The following CNTNAP2 variants were observed in gnomAD, a reference collection of about 807,000 sequenced individuals.
The protein encoded by CNTNAP2 is contactin associated protein 2, also known as contactin-associated protein-like 2.
CNTNAP2 carries 98 observed loss-of-function variants against 155.2 expected under a neutral mutation model. The ratio of observed to expected loss-of-function variants is 0.63; its 90% CI spans 0.54 to 0.75. The LOEUF is 0.75. Ranked by LOEUF, CNTNAP2 falls within the 30% of genes least tolerant of loss-of-function variation. The pLI, the probability that CNTNAP2 is intolerant of heterozygous loss-of-function variation, is 0.00. For missense variants in CNTNAP2, 1,727 were observed against 1,688.1 expected (o/e 1.02, Z -0.40); for synonymous variants, 651 against 631.2 (o/e 1.03, Z -0.47).
chr7:147,395,703 A>G lies in CNTNAP2; in HGVS notation c.1593A>G (p.Val531=). The G allele has an allele frequency of 1.6e-5, 25 of 1,612,620 alleles. No homozygotes were observed. Among genetic ancestry groups the G allele is most frequent in the Non-Finnish European group, 2.1e-5 (25 of 1,178,890 alleles). Residue 531 remains valine (V), a synonymous_variant, in exon 10 of 24, where the codon GTA becomes GTG. Coordinates refer to ENST00000361727, the MANE Select transcript of CNTNAP2 (RefSeq NM_014141.6). ...TCATTCAAGTGGACGATCAACTTGT[A>G]AATTTATACGAAGTGGCACAAAGGA... The part of the protein sequence containing the change: ...MQLIQVDDQL[V]NLYEVAQRKP...
intron 15 of CNTNAP2, among the ~76,000 whole-genome samples, chr7:148,114,347 T>C (rs1483412869): frequency 2.0e-5 from 3 of 152,212 alleles, no homozygotes; most frequent in Non-Finnish European, 4.4e-5. Flanking sequence ...ACATTCTGTC[T>C]CATGAGGACT....
chr7:146,735,940 C>T (rs1301036427), intron 1 of CNTNAP2, among the ~76,000 whole-genome samples: 2 of 152,016 alleles, frequency 1.3e-5, no homozygotes, highest in African/African-American at 2.4e-5. Flanking sequence ...GATAAATGTT[C>T]CAAGTGACAG....
At chr7:148,219,486 T>C (rs551036493) in intron 19 of CNTNAP2, among the ~76,000 whole-genome samples, 2 of 152,182 alleles carry the variant, frequency 1.3e-5, no homozygotes, top group African/African-American at 4.8e-5. Context: ...TTGAGACCAG[T>C]AGTTCAAGAT....
chr7:146,315,279 T>C (rs1229615374), intron 1 of CNTNAP2, among the ~76,000 whole-genome samples: 1 of 152,106 alleles, frequency 6.6e-6, no homozygotes, highest in East Asian at 1.9e-4. Flanking sequence ...TCTCCCAATG[T>C]GCTGTCTCTG....
At chr7:147,712,789 A>G (rs941607204) in intron 13 of CNTNAP2, among the ~76,000 whole-genome samples, 2 of 152,198 alleles carry the variant, frequency 1.3e-5, no homozygotes, top group Admixed American at 6.5e-5. Flanking sequence ...GATATACCTA[A>G]TGTAAATGAC....
At chr7:148,111,130 T>C (rs1804340585) in intron 15 of CNTNAP2, among the ~76,000 whole-genome samples, 1 of 152,116 alleles carries the variant, frequency 6.6e-6, no homozygotes, top group South Asian at 2.1e-4. Context: ...GTCAGCTGTC[T>C]AGTACTTGAC....
chr7:147,446,131 T>C (rs991309514), intron 10 of CNTNAP2, among the ~76,000 whole-genome samples: 5 of 151,534 alleles, frequency 3.3e-5, no homozygotes, highest in African/African-American at 1.2e-4. Flanking sequence ...TTCTTTTTTT[T>C]TTTTTTTTTT....
intron 1 of CNTNAP2, among the ~76,000 whole-genome samples, chr7:146,217,114 C>T (rs1221613231): frequency 6.6e-6 from 1 of 152,160 alleles, no homozygotes; most frequent in Admixed American, 6.5e-5. Flanking sequence ...TATGGGAACA[C>T]TTGACCCATT....
chr7:148,300,385 G>A (rs186740021), intron 21 of CNTNAP2, among the ~76,000 whole-genome samples: 210 of 152,282 alleles, frequency 1.4e-3, no homozygotes, highest in African/African-American at 4.6e-3. Context: ...CTCGTTATAT[G>A]TTATGATTAA....
intron 13 of CNTNAP2, among the ~76,000 whole-genome samples, chr7:147,782,650 A>G (rs1186486869): frequency 6.6e-6 from 1 of 152,184 alleles, no homozygotes; most frequent in Non-Finnish European, 1.5e-5. Context: ...TACCTCTGAA[A>G]GGTCCCAACA....
intron 18 of CNTNAP2, among the ~76,000 whole-genome samples, chr7:148,185,537 C>T (rs1470019829): frequency 6.6e-6 from 1 of 152,198 alleles, no homozygotes; most frequent in Non-Finnish European, 1.5e-5. Context: ...TGCCCCGTTA[C>T]CAAGGATGAT....
intron 13 of CNTNAP2, among the ~76,000 whole-genome samples, chr7:147,683,611 A>G (rs2116982718): frequency 6.6e-6 from 1 of 151,980 alleles, no homozygotes; most frequent in South Asian, 2.1e-4. Flanking sequence ...TTTTCAGAGC[A>G]GTTTGAACAA....
intron 1 of CNTNAP2, among the ~76,000 whole-genome samples, chr7:146,498,992 G>T (rs1280999660): frequency 6.6e-6 from 1 of 152,116 alleles, no homozygotes; most frequent in Non-Finnish European, 1.5e-5. Context: ...AATCTTACCT[G>T]TTTCAAAGCA....
At chr7:146,197,575 C>A (rs1344640299) in intron 1 of CNTNAP2, among the ~76,000 whole-genome samples, 3 of 152,094 alleles carry the variant, frequency 2.0e-5, no homozygotes, top group Admixed American at 1.3e-4. Context: ...TACAGGATCA[C>A]TAATTTGTTT....
intron 1 of CNTNAP2, among the ~76,000 whole-genome samples, chr7:146,736,422 G>C (rs1801621599): frequency 6.6e-6 from 1 of 152,144 alleles, no homozygotes; most frequent in Non-Finnish European, 1.5e-5. Context: ...GAGGATTTGA[G>C]GATTGATTAT....
intron 1 of CNTNAP2, among the ~76,000 whole-genome samples, chr7:146,744,327 A>G (rs73170308): frequency 0.024 from 3,657 of 151,690 alleles, 54 homozygotes; most frequent in South Asian, 0.036. Flanking sequence ...CTTACATTAG[A>G]TGTATAGAAG....
At chr7:147,048,130 A>C (rs1220536613) in intron 4 of CNTNAP2, among the ~76,000 whole-genome samples, 1 of 133,504 alleles carries the variant, frequency 7.5e-6, no homozygotes, top group Non-Finnish European at 1.5e-5. Context: ...GCTGGAGTGC[A>C]GTGGCGTGAT....
At chr7:147,168,923 A>C (rs1047670310) in intron 8 of CNTNAP2, among the ~76,000 whole-genome samples, 1 of 152,182 alleles carries the variant, frequency 6.6e-6, no homozygotes, top group Non-Finnish European at 1.5e-5. Flanking sequence ...AGAATATAGA[A>C]TAGGCTATAC....
intron 13 of CNTNAP2, among the ~76,000 whole-genome samples, chr7:147,674,304 C>T (rs1428246516): frequency 6.6e-6 from 1 of 152,100 alleles, no homozygotes; most frequent in Non-Finnish European, 1.5e-5. Flanking sequence ...AAAGTCTTTA[C>T]AGTTTCATCT....
Sources: allele counts gnomAD v4.1 joint callset (sites outside exome capture counted in the v4.1 genomes callset), GRCh38; gene constraint gnomAD v4.1.1; transcripts MANE v1.5; gene names NCBI Gene and HGNC (gene_info 2026-07-23, HGNC 2026-07-21).